The following NVL variants were observed in gnomAD, a reference collection of about 807,000 sequenced individuals.
The protein encoded by NVL is nuclear valosin-containing protein-like.
Under a neutral mutation model 110.2 loss-of-function variants are expected in NVL, and 84 were observed. The ratio of observed to expected loss-of-function variants is 0.76; its 90% CI spans 0.64 to 0.91. NVL has a LOEUF of 0.91. NVL is among the 40% of genes least tolerant of loss of function. The pLI, the probability that NVL is intolerant of heterozygous loss-of-function variation, is 0.00. For synonymous variants in NVL, 354 were observed against 361.1 expected (o/e 0.98, Z 0.22); for missense variants, 882 against 1,035.9 (o/e 0.85, Z 2.04).
chr1:224,241,850 T>G (rs1661229195), intron 19 of NVL, among the ~76,000 whole-genome samples: 1 of 107,902 alleles, frequency 9.3e-6, no homozygotes, highest in African/African-American at 3.5e-5. Flanking sequence ...GAGTGAGACC[T>G]CGTCTCAAAA....
chr1:224,282,290 C>T (rs530512210), intron 15 of NVL, among the ~76,000 whole-genome samples: 1 of 152,036 alleles, frequency 6.6e-6, no homozygotes, highest in African/African-American at 2.4e-5. Context: ...CTGAAACCTA[C>T]AACTTTCTAA....
intron 4 of NVL, chr1:224,312,984 T>C: frequency 4.5e-6 from 1 of 220,100 alleles, no homozygotes. Context: ...TAAGGGAGAC[T>C]CTGTCTCTAC....
At chr1:224,318,778 T>C (rs1044591356) in intron 2 of NVL, among the ~76,000 whole-genome samples, 7 of 150,434 alleles carry the variant, frequency 4.7e-5, no homozygotes, top group African/African-American at 1.2e-4. Flanking sequence ...GGTCAGGAGA[T>C]TGAGACCAGC....
chr1:224,330,115 G>T lies in NVL; in HGVS notation c.13C>A (p.Pro5Thr). 1.6e-5 allele frequency: 26 copies of T among 1,614,064 alleles called. No individual in the cohort carries two copies. The highest frequency in any genetic ancestry group is 2.2e-5 in the Non-Finnish European group (26 of 1,179,974). ...AGTTTATTATCCACGAACCCTGCAG[G>T]TCTGGGCTTCATCGCGTCGGTCTTC... The part of the protein sequence containing the change: MKPR[P>T]AGFVDNKLKQ... The change falls in exon 1 of 23, where the codon CCT becomes ACT. Residue 5 changes from proline to threonine, a missense_variant. By Grantham distance (38) the Pro-to-Thr change is conservative (BLOSUM62 -1). This residue lies in a region of NVL where 274 missense variants were observed against 268.4 expected (regional missense o/e 1.02). Transcript: ENST00000281701.
intron 2 of NVL, among the ~76,000 whole-genome samples, chr1:224,318,568 C>T (rs1212948706): frequency 6.6e-6 from 1 of 151,994 alleles, no homozygotes; most frequent in African/African-American, 2.4e-5. Context: ...CGCCAATGCA[C>T]TCAGCTTGGC....
At chr1:224,250,386 A>G in intron 18 of NVL, 68 bp from the exon 19 acceptor site, 2 of 1,377,766 alleles carry the variant, frequency 1.5e-6, no homozygotes, top group Non-Finnish European at 1.9e-6. Context: ...TTTTTTTGAG[A>G]GAGGGTCTTG....
chr1:224,297,553 T>C (rs1667995475), intron 10 of NVL: 1 of 152,330 alleles, frequency 6.6e-6, no homozygotes, highest in Non-Finnish European at 1.5e-5. Flanking sequence ...AACACAACAA[T>C]ATGAATGTAC....
chr1:224,316,151 G>A (rs1405468008), intron 4 of NVL, among the ~76,000 whole-genome samples: 1 of 151,976 alleles, frequency 6.6e-6, no homozygotes, highest in Non-Finnish European at 1.5e-5. Context: ...TCCAGCCTGA[G>A]CAACAAAGTG....
At chr1:224,241,153 G>A (rs1661154322) in intron 19 of NVL, among the ~76,000 whole-genome samples, 1 of 152,094 alleles carries the variant, frequency 6.6e-6, no homozygotes, top group Admixed American at 6.6e-5. Context: ...AGTTTCATTA[G>A]CAACATTACT....
chr1:224,258,487 C>T (rs970278574), intron 18 of NVL, among the ~76,000 whole-genome samples: 7 of 152,152 alleles, frequency 4.6e-5, no homozygotes, highest in African/African-American at 1.7e-4. Flanking sequence ...AAGAGTTTAG[C>T]AGTTTCTCAA....
rs547728423 is a variant in NVL, at chr1:224,323,491, G to A, written c.131+2900C>T. ...ATGGATCCAGTCAGCCATCTTAGCAGAAGCCAGGAATAGACATGGGGTTAA... is the reference window on the plus strand; with the variant it reads ...ATGGATCCAGTCAGCCATCTTAGCAAAAGCCAGGAATAGACATGGGGTTAA... On this transcript the variant is annotated intron_variant, in intron 2 of 22. Transcript: ENST00000281701. 5.3e-5 allele frequency among the ~76,000 whole-genome samples: 8 copies of A among 152,314 alleles called. No homozygotes were observed. The South Asian group carries it at 1.7e-3, about 32-fold the overall frequency.
intron 2 of NVL, among the ~76,000 whole-genome samples, chr1:224,321,087 C>T (rs139683655): frequency 1.2e-3 from 183 of 151,872 alleles, no homozygotes; most frequent in African/African-American, 4.3e-3. Flanking sequence ...CCCATCTCTA[C>T]AAAAAATACA....
intron 2 of NVL, among the ~76,000 whole-genome samples, chr1:224,322,310 C>T (rs1670730505): frequency 6.6e-6 from 1 of 150,430 alleles, no homozygotes; most frequent in African/African-American, 2.5e-5. Flanking sequence ...TCTCAAACTC[C>T]TAGCCTCAAG....
intron 12 of NVL, among the ~76,000 whole-genome samples, chr1:224,291,162 C>T (rs920549112): frequency 5.3e-5 from 8 of 152,140 alleles, no homozygotes; most frequent in African/African-American, 1.9e-4. Context: ...ACATGCAAAG[C>T]ACATAAAACA....
rs576568653 is a variant in NVL at position 224,300,540 on chromosome 1, C to T, written c.1062+22G>A. 2.5e-5 allele frequency: 39 copies of T among 1,558,106 alleles called. 1 individual carries two copies. In the South Asian group the frequency reaches 3.5e-4, roughly 14 times the overall value. On this transcript the variant is annotated intron_variant, in intron 10 of 22. Coordinates refer to ENST00000281701, the MANE Select transcript of NVL (RefSeq NM_002533.4). The stretch of plus-strand genomic sequence containing the variant: ...AAGCTGGTAGCGTCTGACCACCTGG[C>T]ATTAGTCATTAACTGACTCACCACA...
Position 224,294,492 on chromosome 1 carries a change from A to G in NVL, c.1181-81T>C. On this transcript the variant is annotated intron_variant, in intron 11 of 22. Transcript: ENST00000281701. ...ATGGTTACAGAATCATTTCATGGTT[A>G]AAGATAAAGTATTACAGATTTTGAC... The G allele has an allele frequency of 4.1e-6, 6 of 1,448,752 alleles. No individual in the cohort carries two copies. The South Asian group carries it at 5.8e-5, about 14-fold the overall frequency. The allele number at this position is 1,448,752 out of a possible 1,614,324, so 89.7% of individuals were successfully genotyped here.
chr1:224,285,203 G>A (rs893806097), intron 15 of NVL, among the ~76,000 whole-genome samples: 2 of 152,134 alleles, frequency 1.3e-5, no homozygotes, highest in African/African-American at 2.4e-5. Context: ...TTGGGAGGCC[G>A]AGATGGGCGG....
At chr1:224,246,149 G>A (rs1437100517) in intron 19 of NVL, among the ~76,000 whole-genome samples, 1 of 151,898 alleles carries the variant, frequency 6.6e-6, no homozygotes, top group African/African-American at 2.4e-5. Context: ...TCCTGCTTTA[G>A]CCTCCTGAGT....
intron 6 of NVL, among the ~76,000 whole-genome samples, chr1:224,306,234 C>T (rs2102709852): frequency 6.6e-6 from 1 of 152,158 alleles, no homozygotes; most frequent in East Asian, 1.9e-4. Context: ...TGCACTCTAG[C>T]CTGGGTGATG....
Sources: gnomAD v4.1 joint callset for allele counts (sites outside exome capture counted in the v4.1 genomes callset) on GRCh38, gnomAD v4.1.1 for gene constraint, gnomAD v4.1.1 regional missense constraint, MANE v1.5 for transcripts, NCBI Gene and HGNC (gene_info 2026-07-23, HGNC 2026-07-21) for gene names.